Variants in ADAM20 observed in about 807,000 individuals in gnomAD.
ADAM20 encodes the protein ADAM metallopeptidase domain 20, also known as disintegrin and metalloproteinase domain-containing protein 20.
For synonymous variants in ADAM20, 305 were observed against 310.2 expected (o/e 0.98, Z 0.18); for missense variants, 871 against 883.2 (o/e 0.99, Z 0.18).
the ADAM20 span, among the ~76,000 whole-genome samples, chr14:70,567,665 C>T: frequency 3.7e-3 from 565 of 152,162 alleles, 3 homozygotes; most frequent in Non-Finnish European, 6.4e-3. Flanking sequence ...CTAACTCGCC[C>T]TCCCTACACA....
the ADAM20 span, among the ~76,000 whole-genome samples, chr14:70,553,309 TAAAAA>T: frequency 0.042 from 719 of 17,262 alleles, 3 homozygotes; most frequent in African/African-American, 0.054. Flanking sequence ...TAGAGTATAA[TAAAAA>T]AAAAAAAAAA....
the ADAM20 span, among the ~76,000 whole-genome samples, chr14:70,571,884 A>G: frequency 6.6e-6 from 1 of 152,170 alleles, no homozygotes; most frequent in Non-Finnish European, 1.5e-5. Flanking sequence ...ATCTAGAAAT[A>G]GCCACACACA....
chr14:70,572,559 C>A, the ADAM20 span, among the ~76,000 whole-genome samples: 1 of 151,968 alleles, frequency 6.6e-6, no homozygotes, highest in African/African-American at 2.4e-5. Context: ...ATGACTAAGA[C>A]CTCAAAAACA....
the ADAM20 span, among the ~76,000 whole-genome samples, chr14:70,566,902 A>G: frequency 6.6e-6 from 1 of 152,124 alleles, no homozygotes; most frequent in South Asian, 2.1e-4. Context: ...GAATTGCTCG[A>G]ACCCAGGAGG....
the ADAM20 span, among the ~76,000 whole-genome samples, chr14:70,573,204 T>C: frequency 5.9e-5 from 9 of 152,146 alleles, no homozygotes; most frequent in African/African-American, 1.7e-4. Context: ...CAAAGGTGGA[T>C]TGCATAAAGA....
At chr14:70,532,761 A>G (rs1016916745) in intron 1 of ADAM20, among the ~76,000 whole-genome samples, 44 of 152,202 alleles carry the variant, frequency 2.9e-4, no homozygotes, top group Non-Finnish European at 1.3e-4. Context: ...CCAAACATCT[A>G]TCTGATACCT....
At chr14:70,546,884 C>CA in the ADAM20 span, among the ~76,000 whole-genome samples, 38 of 151,744 alleles carry the variant, frequency 2.5e-4, no homozygotes, top group Admixed American at 1.3e-4. Context: ...GAAGAAAATA[C>CA]AAAAAACAAC....
At chr14:70,563,264 C>T in the ADAM20 span, among the ~76,000 whole-genome samples, 1 of 151,930 alleles carries the variant, frequency 6.6e-6, no homozygotes, top group South Asian at 2.1e-4. Context: ...CTGGAGTACA[C>T]AGAAATGAAC....
the ADAM20 span, among the ~76,000 whole-genome samples, chr14:70,545,542 T>C: frequency 1.3e-5 from 2 of 151,542 alleles, no homozygotes; most frequent in African/African-American, 4.9e-5. Context: ...GCAATGCCAA[T>C]GGAAACCAAA....
the ADAM20 span, among the ~76,000 whole-genome samples, chr14:70,546,841 A>G: frequency 6.6e-6 from 1 of 152,216 alleles, no homozygotes; most frequent in Non-Finnish European, 1.5e-5. Flanking sequence ...AATGAAGAAA[A>G]TACAAAAGAT....
chr14:70,541,768 T>C, the ADAM20 span, among the ~76,000 whole-genome samples: 1 of 152,204 alleles, frequency 6.6e-6, no homozygotes, highest in Admixed American at 6.5e-5. Context: ...GAGACTCTTA[T>C]AATTCTGATA....
the ADAM20 span, among the ~76,000 whole-genome samples, chr14:70,559,012 C>T: frequency 6.6e-6 from 1 of 152,170 alleles, no homozygotes; most frequent in Admixed American, 6.5e-5. Context: ...TATTGATGAT[C>T]TCATCCATCT....
chr14:70,553,525 T>TAAAAA, the ADAM20 span, among the ~76,000 whole-genome samples: 1 of 57,010 alleles, frequency 1.8e-5, no homozygotes. Flanking sequence ...GCAAAAATCC[T>TAAAAA]AAAAAAAAAA....
chr14:70,572,749 A>G, the ADAM20 span, among the ~76,000 whole-genome samples: 5 of 151,978 alleles, frequency 3.3e-5, no homozygotes, highest in African/African-American at 1.2e-4. Flanking sequence ...AATCAACAAG[A>G]AAAAAAACCA....
chr14:70,573,025 G>C, the ADAM20 span, among the ~76,000 whole-genome samples: 2 of 152,118 alleles, frequency 1.3e-5, no homozygotes, highest in Non-Finnish European at 2.9e-5. Context: ...AAATAGTATG[G>C]AGAATTCTCA....
chr14:70,578,224 CA>C, the ADAM20 span, among the ~76,000 whole-genome samples: 1 of 151,920 alleles, frequency 6.6e-6, no homozygotes, highest in African/African-American at 2.4e-5. Context: ...ACAAAGTCAA[CA>C]AAAATAAATG....
At chr14:70,529,044 T>C (rs1041625515) in intron 1 of ADAM20, among the ~76,000 whole-genome samples, 29 of 152,222 alleles carry the variant, frequency 1.9e-4, no homozygotes, top group South Asian at 1.5e-3. Context: ...GAAGCAAACA[T>C]TGACATAATT....
At position 70,524,938 on chromosome 14, in the gene ADAM20, A is replaced by G. The variant is rs1883556589; in HGVS notation, c.-176-5T>C. 1 of 1,557,566 alleles carries G rather than the reference A, an allele frequency of 6.4e-7. No homozygotes were observed. The highest frequency in any genetic ancestry group is 8.7e-7 in the Non-Finnish European group (1 of 1,153,320). The stretch of plus-strand genomic sequence containing the variant: ...CTGCAGTGCTGAAAATAAAAACTGA[A>G]AGAGCCAGGATGGGGTGGGTGGGAT... On this transcript the variant is annotated splice_polypyrimidine_tract_variant and splice_region_variant and intron_variant, in intron 1 of 1. Coordinates refer to ENST00000256389, the MANE Select transcript of ADAM20 (RefSeq NM_003814.5).
At position 70,524,888 on chromosome 14, in the gene ADAM20, T is replaced by C. The variant is rs1215448804; in HGVS notation, c.-131A>G. ...ACCTTTAGGGATCTGGGGATCTGTG[T>C]CCTGGTGGAGCTGGACCATCAGAGC... On this transcript the variant is annotated 5_prime_UTR_variant, in exon 2 of 2. Transcript: ENST00000256389. 2 of 1,611,116 alleles carry C rather than the reference T, an allele frequency of 1.2e-6. No individual in the cohort carries two copies. Among genetic ancestry groups the C allele is most frequent in the Admixed American group, 1.7e-5 (1 of 59,850 alleles).
Sources: allele counts gnomAD v4.1 joint callset (sites outside exome capture counted in the v4.1 genomes callset), GRCh38; gene constraint gnomAD v4.1.1; transcripts MANE v1.5; gene names NCBI Gene and HGNC (gene_info 2026-07-23, HGNC 2026-07-21).